FBXL16: variants seen among roughly 807,000 people sequenced by gnomAD.
FBXL16 encodes the protein F-box and leucine rich repeat protein 16, also known as F-box/LRR-repeat protein 16.
A neutral mutation model predicts 36.7 loss-of-function variants in FBXL16; 7 were observed. The observed-to-expected ratio is 0.19, with a 90% confidence interval of 0.11 to 0.36. The LOEUF (loss-of-function observed/expected upper bound fraction) is 0.36, where lower values mean the gene tolerates loss of function less well. Among genes scored for constraint, FBXL16 ranks in the 10% least tolerant of loss-of-function variants. The pLI is 1.00. For missense variants in FBXL16, 463 were observed against 659.4 expected (o/e 0.70, Z 3.26); for synonymous variants, 355 against 308.7 (o/e 1.15, Z -1.57).
At chr16:704,557 G>A (rs1438717241) in intron 1 of FBXL16, among the ~76,000 whole-genome samples, 1 of 152,242 alleles carries the variant, frequency 6.6e-6, no homozygotes, top group Non-Finnish European at 1.5e-5. Flanking sequence ...CCGGGAGACA[G>A]AAAACCCTTC....
rs543438240 is a variant in FBXL16, at chr16:694,039, T to TGTGCGTGC, written c.*228_*235dup. 1 of 208,868 alleles carries TGTGCGTGC rather than the reference T, an allele frequency of 4.8e-6. No individual in the cohort carries two copies. 12.9% of individuals were successfully genotyped at this position (208,868 alleles called of 1,614,324 possible). ...GAGGGGCATGCACAAAGTCCCCGAG[T>TGTGCGTGC]GTGCGTGCGTGCGTGGGGCGGGCCC... On this transcript the variant is annotated 3_prime_UTR_variant, in exon 6 of 6. Coordinates refer to ENST00000397621, the MANE Select transcript of FBXL16 (RefSeq NM_153350.4).
chr16:705,085 C>T (rs1032940380), intron 1 of FBXL16, among the ~76,000 whole-genome samples: 3 of 152,206 alleles, frequency 2.0e-5, no homozygotes, highest in Non-Finnish European at 1.5e-5. Flanking sequence ...GCCGCCCGCC[C>T]GGGGAGGGCC....
At chr16:698,258 C>G (rs2040030032) in intron 1 of FBXL16, among the ~76,000 whole-genome samples, 2 of 152,196 alleles carry the variant, frequency 1.3e-5, no homozygotes, top group Admixed American at 1.3e-4. Context: ...CCGCCTCAGC[C>G]TCCCAAAGTC....
rs911725114 is a variant in FBXL16, at chr16:697,719, G to A, written c.-14-300C>T. ...TTTTTTCTTTTTGAAACAGAGTTCC[G>A]GCCGGGCGCGGTGGCTCATGCCTGT... On this transcript the variant is annotated intron_variant, in intron 1 of 5. Coordinates refer to ENST00000397621, the MANE Select transcript of FBXL16 (RefSeq NM_153350.4). The surrounding 1 kb of genome is among the most constrained non-coding windows in gnomAD (Gnocchi z 4.6). Among the ~76,000 whole-genome samples, 6 of 152,002 alleles carry A rather than the reference G, an allele frequency of 3.9e-5. No homozygotes were observed. Among genetic ancestry groups the A allele is most frequent in the Non-Finnish European group, 8.8e-5 (6 of 68,020 alleles).
intron 1 of FBXL16, among the ~76,000 whole-genome samples, chr16:703,791 C>G (rs1168624165): frequency 2.0e-5 from 3 of 152,218 alleles, no homozygotes; most frequent in Non-Finnish European, 2.9e-5. Context: ...CATGGTCAAG[C>G]CCAGGGCAGC....
intron 1 of FBXL16, among the ~76,000 whole-genome samples, chr16:700,092 C>G (rs1286678576): frequency 6.6e-6 from 1 of 152,156 alleles, no homozygotes; most frequent in African/African-American, 2.4e-5. Context: ...CTCTTCCCAG[C>G]AGCAGGTCCC....
At position 692,649 on chromosome 16, in the gene FBXL16, G is replaced by C. The variant is rs1193476379; in HGVS notation, c.*1626C>G. 6.6e-6 allele frequency: 1 copy of C among 152,558 alleles called. No homozygotes were observed. Among genetic ancestry groups the C allele is most frequent in the African/African-American group, 2.4e-5 (1 of 41,446 alleles). 9.5% of individuals were successfully genotyped at this position (152,558 alleles called of 1,614,324 possible). ...CAATAAGAAAATGATTTTAGGGGTT[G>C]GTTGGTTTTGTTTTCCTCTCTCCCC... On this transcript the variant is annotated 3_prime_UTR_variant, in exon 6 of 6. Transcript: ENST00000397621.
Position 694,682 on chromosome 16 carries a change from G to C in FBXL16, c.1243C>G (p.Leu415Val), listed in dbSNP as rs756811787. 6.2e-7 allele frequency: 1 copy of C among 1,608,172 alleles called. No individual in the cohort carries two copies. Among genetic ancestry groups the C allele is most frequent in the Non-Finnish European group, 8.5e-7 (1 of 1,177,644 alleles). The stretch of plus-strand genomic sequence containing the variant: ...CTCCCCAGGGCCAGGAGGTGCTTCA[G>C]CCCGAAGTCTTGCACCTGTCGGGAG... ...RWCCQVQDFG[L>V]KHLLALGSLR... The change falls in exon 5 of 6, where the codon CTG becomes GTG. Residue 415 changes from leucine to valine, a missense_variant. Around this residue, in one of 3 missense-constraint regions of FBXL16, gnomAD observed 134 missense variants for 172.0 expected, o/e 0.78. Coordinates refer to ENST00000397621, the MANE Select transcript of FBXL16 (RefSeq NM_153350.4).
At chr16:696,313 T>C (rs867453170) in intron 2 of FBXL16, among the ~76,000 whole-genome samples, 5 of 152,180 alleles carry the variant, frequency 3.3e-5, no homozygotes, top group Middle Eastern at 3.4e-3. Flanking sequence ...CAGGCTGGAG[T>C]GCAGTGGCAT....
chr16:696,386 C>A (rs1037284719), intron 2 of FBXL16, among the ~76,000 whole-genome samples: 1 of 152,148 alleles, frequency 6.6e-6, no homozygotes, highest in South Asian at 2.1e-4. Context: ...TCAGTGTCCT[C>A]CCAAGTAGCT....
rs2039999735 is a variant in FBXL16 at position 695,029 on chromosome 16, G to A, written c.1190C>T (p.Ser397Leu). Residue 397 changes from serine (S) to leucine (L), a missense_variant, in exon 4 of 6, where the codon TCG becomes TTG. Coordinates refer to ENST00000397621, the MANE Select transcript of FBXL16 (RefSeq NM_153350.4). The part of the protein sequence containing the change: ...DTGLSYLSTM[S>L]SLRSLYLRWC... ...TCGCAGGTAGAGGCTGCGGAGGGAC[G>A]ACATGGTGGACAGATAGCTGAGGCC... 5 of 1,577,932 alleles carry A rather than the reference G, an allele frequency of 3.2e-6. No individual in the cohort carries two copies. Among genetic ancestry groups the A allele is most frequent in the Non-Finnish European group, 4.3e-6 (5 of 1,157,716 alleles).
chr16:699,216 C>T (rs1190857233), intron 1 of FBXL16, among the ~76,000 whole-genome samples: 4 of 152,318 alleles, frequency 2.6e-5, no homozygotes, highest in African/African-American at 4.8e-5. Flanking sequence ...GAAGGCCATG[C>T]GGAGGTTATC....
Position 696,899 on chromosome 16 carries a change from C to T in FBXL16, c.507G>A (p.Glu169=), listed in dbSNP as rs2040016472. ...CGGAGACGCCAACCAGGCAGAAGCC[C>T]TCGAAGCCTCTGGCGGCAAAACCCT... The part of the protein sequence containing the change: ...NLQGFAARGF[E]GFCLVGVSDL... Residue 169 remains glutamate, a synonymous_variant, in exon 2 of 6, where the codon GAG becomes GAA. Coordinates refer to ENST00000397621, the MANE Select transcript of FBXL16 (RefSeq NM_153350.4). 3 of 1,610,474 alleles carry T rather than the reference C, an allele frequency of 1.9e-6. No homozygotes were observed. In the South Asian group the frequency reaches 3.3e-5, roughly 18 times the overall value.
chr16:702,583 G>A (rs2040065440), intron 1 of FBXL16, among the ~76,000 whole-genome samples: 1 of 152,238 alleles, frequency 6.6e-6, no homozygotes, highest in Non-Finnish European at 1.5e-5. Flanking sequence ...AGAAAGGGGT[G>A]CAGCTGCCAA....
rs757927262 is a variant in FBXL16 at position 694,438 on chromosome 16, G to A, written c.1292-15C>T. On this transcript the variant is annotated splice_polypyrimidine_tract_variant and intron_variant, in intron 5 of 5. Transcript: ENST00000397621. ...CAGCGGGCAGCCTGCGGCGGGGTCA[G>A]AGGGCGGCTCAGTGCGCGCGGCCCA... 2.2e-5 allele frequency: 34 copies of A among 1,538,226 alleles called. No homozygotes were observed. In the Middle Eastern group the frequency reaches 2.1e-3, roughly 95 times the overall value.
At chr16:695,186 A>G in intron 3 of FBXL16, 110 bp from the exon 4 acceptor site, 1 of 1,263,930 alleles carries the variant, frequency 7.9e-7, no homozygotes, top group African/African-American at 1.5e-5. Context: ...CACCCGGAGC[A>G]GCCGCTGGCC....
intron 1 of FBXL16, among the ~76,000 whole-genome samples, chr16:702,131 C>T (rs954168252): frequency 2.0e-5 from 3 of 152,192 alleles, no homozygotes; most frequent in African/African-American, 7.2e-5. Context: ...CATGTGGGGG[C>T]CCCGCAGGAG....
chr16:695,388 C>G, intron 3 of FBXL16, 27 bp downstream of exon 3: 1 of 1,490,940 alleles, frequency 6.7e-7, no homozygotes, highest in Non-Finnish European at 8.9e-7. Context: ...GGCCCAGCCC[C>G]GCCCGGCGCG....
In FBXL16 at chr16:693,478, G is replaced by C. The variant is rs537352908; in HGVS notation, c.*797C>G. 6.5e-6 allele frequency: 1 copy of C among 152,672 alleles called. No individual in the cohort carries two copies. The highest frequency in any genetic ancestry group is 2.1e-4 in the South Asian group (1 of 4,830). The allele number at this position is 152,672 out of a possible 1,614,324, so 9.5% of individuals were successfully genotyped here. A position where few individuals can be genotyped will look rare whatever the true frequency, so the allele number is the denominator to read the frequency against. On this transcript the variant is annotated 3_prime_UTR_variant, in exon 6 of 6. Coordinates refer to ENST00000397621, the MANE Select transcript of FBXL16 (RefSeq NM_153350.4). The stretch of plus-strand genomic sequence containing the variant: ...GCCACCCCTGGGTTGAGGCCGACCG[G>C]AGTCAGCTGGGATCACGTTAATGAC...
Sources: allele counts gnomAD v4.1 joint callset (sites outside exome capture counted in the v4.1 genomes callset), GRCh38; gene constraint gnomAD v4.1.1; regional missense constraint gnomAD v4.1.1; non-coding constraint Gnocchi (gnomAD v3.1); transcripts MANE v1.5; gene names NCBI Gene and HGNC (gene_info 2026-07-23, HGNC 2026-07-21).